The following SLC30A8 variants were observed in gnomAD, a reference collection of about 807,000 sequenced individuals.
The protein encoded by SLC30A8 is solute carrier family 30 member 8, also known as proton-coupled zinc antiporter SLC30A8.
In SLC30A8, 27 loss-of-function variants were observed where a neutral mutation model predicts 36.9. That is an observed-to-expected ratio of 0.73 (90% CI 0.54 to 1.01). The LOEUF is 1.01. SLC30A8 is among the 50% of genes least tolerant of loss of function. The pLI, the probability that SLC30A8 is intolerant of heterozygous loss-of-function variation, is 0.00. For synonymous variants in SLC30A8, 164 were observed against 172.4 expected, an observed-to-expected ratio of 0.95 and a Z score of 0.38; for missense variants, 439 against 452.0, an observed-to-expected ratio of 0.97 and a Z score of 0.26.
At chr8:117,050,980 G>A (rs56064807) in intron 2 of SLC30A8, among the ~76,000 whole-genome samples, 2 of 152,162 alleles carry the variant, frequency 1.3e-5, no homozygotes, top group Admixed American at 6.5e-5. Flanking sequence ...CTGATAAATA[G>A]GTTTCTAATA....
chr8:117,104,178 A>G (rs1338720095), intron 2 of SLC30A8, among the ~76,000 whole-genome samples: 2 of 152,158 alleles, frequency 1.3e-5, no homozygotes, highest in South Asian at 4.1e-4. Flanking sequence ...TATTTTTGCA[A>G]TGTGACTAGG....
At chr8:117,160,005 GTAGA>G (rs910412092) in intron 4 of SLC30A8, among the ~76,000 whole-genome samples, 2 of 152,206 alleles carry the variant, frequency 1.3e-5, no homozygotes, top group Non-Finnish European at 2.9e-5. Flanking sequence ...CTTTGTGCAA[GTAGA>G]TAGTTATTTA....
intron 1 of SLC30A8, among the ~76,000 whole-genome samples, chr8:116,964,886 A>G (rs1176497818): frequency 6.6e-6 from 1 of 152,180 alleles, no homozygotes; most frequent in Non-Finnish European, 1.5e-5. Flanking sequence ...AATGAATTTC[A>G]AATTTGTTAT....
intron 2 of SLC30A8, among the ~76,000 whole-genome samples, chr8:117,058,079 A>G: frequency 6.6e-6 from 1 of 152,084 alleles, no homozygotes; most frequent in East Asian, 1.9e-4. Context: ...GATACCAGCC[A>G]CCCTAACAGG....
chr8:116,967,650 G>T, intron 1 of SLC30A8, among the ~76,000 whole-genome samples: 1 of 152,314 alleles, frequency 6.6e-6, no homozygotes, highest in East Asian at 1.9e-4. Flanking sequence ...ATCAAGTATT[G>T]ATAAAATATA....
At chr8:117,125,936 G>T (rs981949989) in intron 2 of SLC30A8, among the ~76,000 whole-genome samples, 1 of 151,946 alleles carries the variant, frequency 6.6e-6, no homozygotes, top group Non-Finnish European at 1.5e-5. Context: ...GAGGATCTGG[G>T]TGTATAATAA....
rs541122366 is a variant in SLC30A8, at chr8:116,955,188, C to T, written c.-266+4069C>T. 1.4e-4 allele frequency among the ~76,000 whole-genome samples: 22 copies of T among 152,240 alleles called. No homozygotes were observed. In the South Asian group the frequency reaches 2.3e-3, roughly 16 times the overall value. On this transcript the variant is annotated intron_variant, in intron 1 of 10. Coordinates refer to the SLC30A8 transcript ENST00000427715. ...ATAGTATCCTTCCAAAATAGATGTC[C>T]ACCTAGAACTTCAGAATGAGACCTT...
chr8:116,996,995 A>G lies in SLC30A8; in HGVS notation c.-265-42224A>G, dbSNP rs537892351. 4.7e-5 allele frequency among the ~76,000 whole-genome samples: 7 copies of G among 149,518 alleles called. No individual in the cohort carries two copies. In the East Asian group the frequency reaches 1.4e-3, roughly 29 times the overall value. On this transcript the variant is annotated intron_variant, in intron 1 of 10. Transcript: ENST00000427715. ...AGGCATTCTTTTTTTTTTTTTTGAG[A>G]CGGAGTTTTGCTCTTGTCACATAAC...
chr8:117,171,057 A>G lies in SLC30A8; in HGVS notation c.853A>G (p.Ser285Gly). Reference protein sequence around the residue: ...MEGVPKSLNYSGVKELILAVD... With the variant: ...MEGVPKSLNYGGVKELILAVD... ...AGGTGTGCCAAAGAGCCTGAATTAC[A>G]GTGGTGTGAAAGAGCTTATTTTAGC... Residue 285 changes from serine (S) to glycine (G), a missense_variant, in exon 7 of 8, where the codon AGT becomes GGT. Transcript: ENST00000456015. The G allele has an allele frequency of 6.2e-7, 1 of 1,607,424 alleles. No homozygotes were observed. The highest frequency in any genetic ancestry group is 8.5e-7 in the Non-Finnish European group (1 of 1,176,990).
At chr8:117,021,945 G>A (rs1816707840) in intron 1 of SLC30A8, among the ~76,000 whole-genome samples, 1 of 150,512 alleles carries the variant, frequency 6.6e-6, no homozygotes, top group South Asian at 2.1e-4. Context: ...AGGTCAATTG[G>A]ATAGTCATAT....
chr8:117,012,913 T>C (rs972897565), intron 1 of SLC30A8, among the ~76,000 whole-genome samples: 3 of 152,002 alleles, frequency 2.0e-5, no homozygotes, highest in Non-Finnish European at 2.9e-5. Flanking sequence ...CAACAGTGTA[T>C]CATCTGACAG....
intron 2 of SLC30A8, among the ~76,000 whole-genome samples, chr8:117,039,557 A>G (rs1386720604): frequency 1.3e-5 from 2 of 152,114 alleles, no homozygotes; most frequent in Non-Finnish European, 2.9e-5. Context: ...CATACTTTAT[A>G]CAGACAGTCT....
At chr8:116,992,954 G>A (rs914970619) in intron 1 of SLC30A8, among the ~76,000 whole-genome samples, 4 of 144,092 alleles carry the variant, frequency 2.8e-5, no homozygotes, top group African/African-American at 7.4e-5. Flanking sequence ...GCAGAGAATC[G>A]TGGCCATGTC....
At chr8:117,009,830 G>A (rs1286161731) in intron 1 of SLC30A8, among the ~76,000 whole-genome samples, 1 of 152,158 alleles carries the variant, frequency 6.6e-6, no homozygotes, top group Non-Finnish European at 1.5e-5. Flanking sequence ...ATAAAATTAT[G>A]CAGGTTTTCT....
chr8:117,062,562 C>T (rs1480629325), intron 2 of SLC30A8, among the ~76,000 whole-genome samples: 1 of 152,222 alleles, frequency 6.6e-6, no homozygotes, highest in Non-Finnish European at 1.5e-5. Context: ...ACACCTCTCA[C>T]CAGGCCCCAC....
intron 2 of SLC30A8, among the ~76,000 whole-genome samples, chr8:117,147,896 T>C (rs1821972295): frequency 6.6e-6 from 1 of 152,172 alleles, no homozygotes. Flanking sequence ...TGCTTATTAG[T>C]GATCTGTATT....
At position 117,135,416 on chromosome 8, in the gene SLC30A8, C is replaced by T. The variant is rs766358825; in HGVS notation, c.71+18C>T. 7 of 1,554,910 alleles carry T rather than the reference C, an allele frequency of 4.5e-6. No individual in the cohort carries two copies. The highest frequency in any genetic ancestry group is 1.4e-5 in the African/African-American group (1 of 73,576). The stretch of plus-strand genomic sequence containing the variant: ...CTAGAAAGGTAATAGATGTCTGTGT[C>T]TGCTTCACAATTTTCTCTGTTGAAT... On this transcript the variant is annotated intron_variant, in intron 1 of 7. Transcript: ENST00000456015.
intron 2 of SLC30A8, among the ~76,000 whole-genome samples, chr8:117,101,741 A>G (rs918704563): frequency 6.6e-6 from 1 of 152,192 alleles, no homozygotes; most frequent in African/African-American, 2.4e-5. Flanking sequence ...GAATGTGGAA[A>G]GACTAGACTG....
chr8:117,054,399 C>A (rs1410369880), intron 2 of SLC30A8, among the ~76,000 whole-genome samples: 1 of 152,120 alleles, frequency 6.6e-6, no homozygotes, highest in African/African-American at 2.4e-5. Context: ...CTGTGCCCAG[C>A]CTAAATTCTT....
Sources: gnomAD v4.1 joint callset for allele counts (sites outside exome capture counted in the v4.1 genomes callset) on GRCh38, gnomAD v4.1.1 for gene constraint, MANE v1.5 for transcripts, NCBI Gene and HGNC (gene_info 2026-07-23, HGNC 2026-07-21) for gene names.